The following PDK1 variants were observed in gnomAD, a reference collection of about 807,000 sequenced individuals.
PDK1 encodes the protein pyruvate dehydrogenase kinase 1, also known as [Pyruvate dehydrogenase (acetyl-transferring)] kinase isozyme 1, mitochondrial.
A neutral mutation model predicts 54.2 loss-of-function variants in PDK1; 39 were observed. That is an observed-to-expected ratio of 0.72 (90% CI 0.56 to 0.94). The LOEUF is 0.94. Ranked by LOEUF, PDK1 falls within the 40% of genes least tolerant of loss-of-function variation. PDK1 has a pLI of 0.00. For synonymous variants in PDK1, 221 were observed against 207.1 expected, an observed-to-expected ratio of 1.07 and a Z score of -0.58; for missense variants, 552 against 566.0, an observed-to-expected ratio of 0.98 and a Z score of 0.25.
At chr2:172,702,121 C>T in the PDK1 span, among the ~76,000 whole-genome samples, 224 of 152,266 alleles carry the variant, frequency 1.5e-3, 1 homozygote, top group Admixed American at 4.8e-3. Flanking sequence ...GACTCAAAGA[C>T]GACTGGCTTA....
At chr2:172,630,933 C>G in the PDK1 span, among the ~76,000 whole-genome samples, 1 of 152,228 alleles carries the variant, frequency 6.6e-6, no homozygotes, top group East Asian at 1.9e-4. Flanking sequence ...CTCAGCCACC[C>G]TCTCATGGAA....
At chr2:172,656,103 C>T in the PDK1 span, among the ~76,000 whole-genome samples, 1 of 152,082 alleles carries the variant, frequency 6.6e-6, no homozygotes, top group Admixed American at 6.5e-5. Context: ...AGATTGTTTC[C>T]ATTTTTCTCT....
intron 7 of PDK1, among the ~76,000 whole-genome samples, chr2:172,570,067 A>G (rs926347516): frequency 6.6e-6 from 1 of 152,158 alleles, no homozygotes; most frequent in Non-Finnish European, 1.5e-5. Flanking sequence ...CTCAATCGCA[A>G]TTGCTGTGCC....
the PDK1 span, among the ~76,000 whole-genome samples, chr2:172,617,580 G>T: frequency 1.7e-4 from 26 of 152,176 alleles, no homozygotes; most frequent in Middle Eastern, 3.4e-3. Context: ...TATGGCAGAA[G>T]ACCGAGACAG....
chr2:172,626,862 G>C, the PDK1 span, among the ~76,000 whole-genome samples: 2 of 152,070 alleles, frequency 1.3e-5, no homozygotes, highest in African/African-American at 2.4e-5. Flanking sequence ...AATTTACAGA[G>C]ATTGTTGAAA....
the PDK1 span, among the ~76,000 whole-genome samples, chr2:172,686,625 C>T: frequency 7.4e-4 from 112 of 152,314 alleles, no homozygotes; most frequent in Non-Finnish European, 1.4e-3. Context: ...ACTTTTTACG[C>T]TGTGGAAGCT....
rs575748114 is a variant in PDK1, at chr2:172,573,964, T to TC, written c.945+3141dup. Reference sequence around the variant, plus strand: ...GTTTTGAAAATTTTCAATTTTTTTTTCACATTGCATGTGATTTCAGTTTTA... The same window carrying TC: ...GTTTTGAAAATTTTCAATTTTTTTTTCCACATTGCATGTGATTTCAGTTTTA... On this transcript the variant is annotated intron_variant, in intron 8 of 10. Transcript: ENST00000282077. 4.1e-4 allele frequency among the ~76,000 whole-genome samples: 62 copies of TC among 152,314 alleles called. No homozygotes were observed. In the South Asian group the frequency reaches 0.013, roughly 32 times the overall value.
At chr2:172,614,781 G>A in the PDK1 span, among the ~76,000 whole-genome samples, 1 of 152,170 alleles carries the variant, frequency 6.6e-6, no homozygotes, top group African/African-American at 2.4e-5. Flanking sequence ...CAGGCACCAT[G>A]GCCATAGAGG....
the PDK1 span, among the ~76,000 whole-genome samples, chr2:172,655,697 C>T: frequency 6.6e-6 from 1 of 152,210 alleles, no homozygotes; most frequent in African/African-American, 2.4e-5. Context: ...GGGGAGCAGG[C>T]AGCTGGACAA....
chr2:172,595,794 C>T (rs2149302685), intron 10 of PDK1, 35 bp from the exon 11 acceptor site: 3 of 1,572,904 alleles, frequency 1.9e-6, no homozygotes, highest in Non-Finnish European at 2.6e-6. Context: ...CTAAAAAATG[C>T]CAGACTTAAT....
At chr2:172,557,343 T>C (rs765440202) in intron 1 of PDK1, among the ~76,000 whole-genome samples, 10 of 152,224 alleles carry the variant, frequency 6.6e-5, no homozygotes. Flanking sequence ...TTTTCTCTTC[T>C]AAAGCAGCAA....
chr2:172,623,430 T>C, the PDK1 span, among the ~76,000 whole-genome samples: 1 of 152,194 alleles, frequency 6.6e-6, no homozygotes, highest in South Asian at 2.1e-4. Flanking sequence ...TTTACCAAAA[T>C]GTTTTATGTT....
the PDK1 span, among the ~76,000 whole-genome samples, chr2:172,622,450 T>C: frequency 6.7e-6 from 1 of 149,276 alleles, no homozygotes; most frequent in Admixed American, 6.7e-5. Flanking sequence ...TCTCATATAT[T>C]ATGTGAGATG....
At chr2:172,646,869 C>T in the PDK1 span, among the ~76,000 whole-genome samples, 7 of 151,600 alleles carry the variant, frequency 4.6e-5, no homozygotes, top group East Asian at 1.9e-4. Context: ...TCCCAAGTAG[C>T]TGGGATTATA....
At chr2:172,684,856 T>G in the PDK1 span, among the ~76,000 whole-genome samples, 1 of 152,194 alleles carries the variant, frequency 6.6e-6, no homozygotes, top group Non-Finnish European at 1.5e-5. Context: ...TGGCTCCATG[T>G]CCCTATCCAA....
the PDK1 span, among the ~76,000 whole-genome samples, chr2:172,718,422 G>T: frequency 1.3e-5 from 2 of 152,180 alleles, no homozygotes; most frequent in African/African-American, 4.8e-5. Context: ...ATAAAAATAT[G>T]CATGTTATTG....
At chr2:172,647,821 A>T in the PDK1 span, among the ~76,000 whole-genome samples, 7,165 of 22,498 alleles carry the variant, frequency 0.32, 286 homozygotes, top group East Asian at 0.49. Context: ...GATATTTGTT[A>T]GTTTCTAAGG....
chr2:172,625,278 C>T, the PDK1 span, among the ~76,000 whole-genome samples: 3 of 152,172 alleles, frequency 2.0e-5, no homozygotes, highest in African/African-American at 7.2e-5. Flanking sequence ...TGATCAACCA[C>T]TCTCCCCGTC....
chr2:172,621,956 TTA>T, the PDK1 span, among the ~76,000 whole-genome samples: 22 of 150,280 alleles, frequency 1.5e-4, no homozygotes, highest in African/African-American at 4.4e-4. Context: ...GTGGTATATT[TTA>T]TATCTCATAT....
Sources: gnomAD v4.1 joint callset for allele counts (sites outside exome capture counted in the v4.1 genomes callset) on GRCh38, gnomAD v4.1.1 for gene constraint, MANE v1.5 for transcripts, NCBI Gene and HGNC (gene_info 2026-07-23, HGNC 2026-07-21) for gene names.